The following TENM2 variants were observed in gnomAD, a reference collection of about 807,000 sequenced individuals.
TENM2 encodes teneurin-2.
In TENM2, 52 loss-of-function variants were observed where a neutral mutation model predicts 245.2. That is an observed-to-expected ratio of 0.21 (90% CI 0.17 to 0.27). The LOEUF (loss-of-function observed/expected upper bound fraction) is 0.27, where lower values mean the gene tolerates loss of function less well. Among genes scored for constraint, TENM2 ranks in the 10% least tolerant of loss-of-function variants. The pLI, the probability that TENM2 is intolerant of heterozygous loss-of-function variation, is 1.00. For synonymous variants in TENM2, 1,363 were observed against 1,438.9 expected, an observed-to-expected ratio of 0.95 and a Z score of 1.19; for missense variants, 3,046 against 3,666.8, an observed-to-expected ratio of 0.83 and a Z score of 4.37.
chr5:167,701,411 C>T (rs1177927897), intron 2 of TENM2, among the ~76,000 whole-genome samples: 1 of 150,074 alleles, frequency 6.7e-6, no homozygotes, highest in African/African-American at 2.5e-5. Flanking sequence ...TTTTTTTTTA[C>T]ATCAGTTTAA....
At chr5:167,750,535 G>T (rs1468051797) in intron 2 of TENM2, among the ~76,000 whole-genome samples, 1 of 152,088 alleles carries the variant, frequency 6.6e-6, no homozygotes, top group Non-Finnish European at 1.5e-5. Flanking sequence ...TTCTGCTGGG[G>T]TGATTGGTAT....
At chr5:168,055,316 C>T (rs1310597760) in intron 6 of TENM2, among the ~76,000 whole-genome samples, 1 of 152,166 alleles carries the variant, frequency 6.6e-6, no homozygotes, top group Non-Finnish European at 1.5e-5. Flanking sequence ...GAATGGCCCA[C>T]CCAACATTGC....
At chr5:167,473,081 G>A (rs1420956295) in intron 2 of TENM2, among the ~76,000 whole-genome samples, 1 of 152,144 alleles carries the variant, frequency 6.6e-6, no homozygotes, top group African/African-American at 2.4e-5. Context: ...TATCGTGTGT[G>A]TTGACATTTG....
At chr5:167,938,081 T>C (rs1778875463) in intron 3 of TENM2, 2 of 152,238 alleles carry the variant, frequency 1.3e-5, no homozygotes, top group Non-Finnish European at 2.9e-5. Context: ...CAATTTGCCA[T>C]GCTCTATTAT....
At chr5:167,807,638 AAG>A (rs1288649439) in intron 2 of TENM2, among the ~76,000 whole-genome samples, 14 of 123,848 alleles carry the variant, frequency 1.1e-4, no homozygotes, top group Non-Finnish European at 1.8e-4. Flanking sequence ...AAAAAAAAAA[AAG>A]AGACAGAACC....
chr5:167,079,615 A>ATATATATTAT, the TENM2 span, among the ~76,000 whole-genome samples: 1 of 151,280 alleles, frequency 6.6e-6, no homozygotes, highest in Non-Finnish European at 1.5e-5. Context: ...ACCCGGCCTA[A>ATATATATTAT]TATATATTAT....
chr5:168,090,506 GAAGGT>G, intron 7 of TENM2, 63 bp from the exon 10 acceptor site: 1 of 1,375,888 alleles, frequency 7.3e-7, no homozygotes, highest in Non-Finnish European at 9.9e-7. Context: ...GGTTCGGGGG[GAAGGT>G]ACCAGGTATG....
chr5:167,651,352 A>C (rs570358256), intron 2 of TENM2, among the ~76,000 whole-genome samples: 1 of 151,976 alleles, frequency 6.6e-6, no homozygotes, highest in South Asian at 2.1e-4. Flanking sequence ...GTTCTGCACA[A>C]TGGAAATTAG....
intron 2 of TENM2, among the ~76,000 whole-genome samples, chr5:167,696,376 T>C (rs1004646172): frequency 6.6e-6 from 1 of 152,248 alleles, no homozygotes; most frequent in South Asian, 2.1e-4. Flanking sequence ...CAAGGTAAAG[T>C]AAGGTTAAAA....
chr5:167,994,785 G>T (rs1038433668), intron 5 of TENM2, among the ~76,000 whole-genome samples: 1 of 152,088 alleles, frequency 6.6e-6, no homozygotes, highest in African/African-American at 2.4e-5. Flanking sequence ...CCCTAATTTC[G>T]AGTCATGTCT....
At chr5:167,043,694 G>C in the TENM2 span, among the ~76,000 whole-genome samples, 1 of 152,108 alleles carries the variant, frequency 6.6e-6, no homozygotes, top group Non-Finnish European at 1.5e-5. Flanking sequence ...CAGATGTAAA[G>C]CATTATCTGA....
intron 2 of TENM2, among the ~76,000 whole-genome samples, chr5:167,589,909 A>G (rs1408787004): frequency 2.0e-5 from 3 of 151,706 alleles, no homozygotes; most frequent in African/African-American, 7.2e-5. Flanking sequence ...TGGAAACAAT[A>G]TACAAACAAA....
intron 2 of TENM2, among the ~76,000 whole-genome samples, chr5:167,523,563 T>C (rs545590481): frequency 6.6e-6 from 1 of 152,238 alleles, no homozygotes; most frequent in South Asian, 2.1e-4. Flanking sequence ...CCCTTGATAT[T>C]TGGTGTTCGC....
intron 3 of TENM2, among the ~76,000 whole-genome samples, chr5:167,909,114 TCA>T: frequency 6.6e-6 from 1 of 151,802 alleles, no homozygotes. Context: ...TTATTCTTTT[TCA>T]AGGAAGAGAA....
chr5:167,777,197 C>T (rs1296463286), intron 2 of TENM2, among the ~76,000 whole-genome samples: 1 of 152,086 alleles, frequency 6.6e-6, no homozygotes, highest in Non-Finnish European at 1.5e-5. Flanking sequence ...AAATGAAAGT[C>T]CACTGAGGCA....
At chr5:167,966,350 A>G (rs2151905483) in intron 4 of TENM2, among the ~76,000 whole-genome samples, 1 of 152,316 alleles carries the variant, frequency 6.6e-6, no homozygotes, top group African/African-American at 2.4e-5. Flanking sequence ...CGCAACAGCC[A>G]TGGGTGCCAT....
At chr5:167,875,994 A>G (rs747479125) in exon 3 of TENM2, 1 of 1,550,298 alleles carries the variant, frequency 6.5e-7, no homozygotes, top group Non-Finnish European at 8.7e-7. Context: ...AGGTCGTCCC[A>G]TTCCACCTAC....
chr5:167,948,453 A>G (rs1254356853), intron 3 of TENM2, among the ~76,000 whole-genome samples: 1 of 152,234 alleles, frequency 6.6e-6, no homozygotes, highest in Non-Finnish European at 1.5e-5. Flanking sequence ...TACAGGAAAC[A>G]TCTTGTCTAT....
intron 15 of TENM2, 73 bp downstream of exon 17, chr5:168,195,368 C>T (rs1308261435): frequency 2.0e-6 from 3 of 1,522,462 alleles, no homozygotes; most frequent in Non-Finnish European, 2.7e-6. Context: ...GTGCTGTTGG[C>T]TTGGAACCAC....
Sources: gnomAD v4.1 joint callset for allele counts (sites outside exome capture counted in the v4.1 genomes callset) on GRCh38, gnomAD v4.1.1 for gene constraint, MANE v1.5 for transcripts, NCBI Gene and HGNC (gene_info 2026-07-23, HGNC 2026-07-21) for gene names.